Variants in USP34 observed in about 807,000 individuals in gnomAD.
USP34 encodes the protein ubiquitin carboxyl-terminal hydrolase 34.
USP34 carries 70 observed loss-of-function variants against 460.3 expected under a neutral mutation model. That is an observed-to-expected ratio of 0.15 (90% confidence interval 0.13 to 0.19). The LOEUF (loss-of-function observed/expected upper bound fraction) is 0.19, where lower values mean the gene tolerates loss of function less well. Among genes scored for constraint, USP34 ranks in the 10% least tolerant of loss-of-function variants. The probability of loss-of-function intolerance (pLI) is 1.00; values close to 1 mark genes in which losing one functional copy is unlikely to be tolerated. For missense variants in USP34, 3,985 were observed against 4,236.2 expected (o/e 0.94, Z 1.65); for synonymous variants, 1,647 against 1,405.3 (o/e 1.17, Z -3.85).
At chr2:61,398,273 G>A (rs1159416832) in intron 3 of USP34, among the ~76,000 whole-genome samples, 7 of 152,068 alleles carry the variant, frequency 4.6e-5, no homozygotes, top group Admixed American at 2.0e-4. Context: ...AGGCTGAGGC[G>A]GGAGGATTGC....
Position 61,188,339 on chromosome 2 carries a change from G to A in USP34, c.10404C>T (p.Phe3468=), listed in dbSNP as rs947078808. 3.7e-6 allele frequency: 6 copies of A among 1,613,626 alleles called. No homozygotes were observed. The highest frequency in any genetic ancestry group is 5.1e-6 in the Non-Finnish European group (6 of 1,180,034). Residue 3468 remains phenylalanine (F), a synonymous_variant, in exon 80 of 80, where the codon TTC becomes TTT. Coordinates refer to ENST00000398571, the MANE Select transcript of USP34 (RefSeq NM_014709.4). ...DSTLAEEESE[F]PSTSISAVLS... is the part of the protein sequence containing the mutation. ...GAACTGCAGAGATAGAAGTAGAAGGGAACTCAGATTCTTCCTCAGCTAGGG... is the reference window on the plus strand; with the variant it reads ...GAACTGCAGAGATAGAAGTAGAAGGAAACTCAGATTCTTCCTCAGCTAGGG...
At chr2:61,393,745 T>TG (rs1693426552) in intron 5 of USP34, among the ~76,000 whole-genome samples, 1 of 152,234 alleles carries the variant, frequency 6.6e-6, no homozygotes, top group African/African-American at 2.4e-5. Flanking sequence ...TTTCAGTGTT[T>TG]GGTAAAGGTA....
intron 53 of USP34, among the ~76,000 whole-genome samples, chr2:61,239,324 A>T (rs1053886688): frequency 8.6e-5 from 13 of 151,104 alleles, no homozygotes; most frequent in South Asian, 2.1e-4. Context: ...ACACACACAC[A>T]CACACACACA....
chr2:61,221,654 C>G, intron 65 of USP34, 48 bp from the exon 66 acceptor site: 1 of 1,554,480 alleles, frequency 6.4e-7, no homozygotes, highest in South Asian at 1.1e-5. Context: ...CTGAACCCAT[C>G]TCCTTCAGCA....
At position 61,331,314 on chromosome 2, in the gene USP34, G is replaced by A. The variant is rs575072027; in HGVS notation, c.2892C>T (p.Tyr964=). 6.2e-7 allele frequency: 1 copy of A among 1,612,486 alleles called. No homozygotes were observed. The highest frequency in any genetic ancestry group is 8.5e-7 in the Non-Finnish European group (1 of 1,179,162). ...GTCTTCCTTCTCTCACAGTTTGAAT[G>A]TAGTATACCAAATTATCAAAGAAAA... ...MKLFFDNLVY[Y]IQTVREGRQK... Residue 964 remains tyrosine (Y), a synonymous_variant, in exon 20 of 80, where the codon TAC becomes TAT. Transcript: ENST00000398571.
chr2:61,433,364 T>C (rs1694729747), intron 1 of USP34, among the ~76,000 whole-genome samples: 1 of 152,222 alleles, frequency 6.6e-6, no homozygotes, highest in Non-Finnish European at 1.5e-5. Context: ...CCAGGTGCGG[T>C]GGCTCATGCC....
Position 61,257,126 on chromosome 2 carries a change from C to CA in USP34, c.5992-19dup. The CA allele has an allele frequency of 6.4e-7, 1 of 1,569,886 alleles. No homozygotes were observed. Among genetic ancestry groups the CA allele is most frequent in the East Asian group, 2.2e-5 (1 of 44,514 alleles). ...GTATTTTTCTTTAATATAAAACAAA[C>CA]AAAAAATAAGAAACTAGTTAAAACG... On this transcript the variant is annotated intron_variant, in intron 45 of 79. Coordinates refer to ENST00000398571, the MANE Select transcript of USP34 (RefSeq NM_014709.4).
At chr2:61,356,525 C>T (rs1290405710) in intron 10 of USP34, among the ~76,000 whole-genome samples, 2 of 151,754 alleles carry the variant, frequency 1.3e-5, no homozygotes, top group Non-Finnish European at 2.9e-5. Flanking sequence ...CAATACTATT[C>T]ATCCTTAAAA....
chr2:61,352,874 C>T (rs914656091), intron 10 of USP34, among the ~76,000 whole-genome samples: 10 of 151,678 alleles, frequency 6.6e-5, no homozygotes, highest in Non-Finnish European at 1.3e-4. Flanking sequence ...ACGATGAAGA[C>T]GAAAAAGAAA....
At chr2:61,284,792 G>T in intron 35 of USP34, 83 bp downstream of exon 35, 1 of 1,144,700 alleles carries the variant, frequency 8.7e-7, no homozygotes, top group Non-Finnish European at 1.2e-6. Flanking sequence ...TTTCTATTAA[G>T]TTTAGAATTT....
intron 67 of USP34, 122 bp downstream of exon 67, chr2:61,220,188 T>C (rs1470926666): frequency 4.4e-6 from 1 of 226,168 alleles, no homozygotes; most frequent in Non-Finnish European, 7.4e-6. Flanking sequence ...AAAAAGGAAA[T>C]AACATCTCCA....
At chr2:61,387,529 A>G (rs1372422421) in intron 5 of USP34, among the ~76,000 whole-genome samples, 1 of 147,608 alleles carries the variant, frequency 6.8e-6, no homozygotes, top group African/African-American at 2.5e-5. Context: ...ATATATTTAT[A>G]TATACACACA....
chr2:61,345,905 G>A (rs1206007412), intron 15 of USP34, among the ~76,000 whole-genome samples: 4 of 152,022 alleles, frequency 2.6e-5, no homozygotes, highest in Non-Finnish European at 5.9e-5. Context: ...CAAAGCACTA[G>A]GATTATTGTT....
chr2:61,264,161 T>TATAA (rs1688979488), intron 43 of USP34, among the ~76,000 whole-genome samples: 1 of 152,188 alleles, frequency 6.6e-6, no homozygotes, highest in Non-Finnish European at 1.5e-5. Context: ...CAACTACTTT[T>TATAA]AGTCATAATG....
chr2:61,419,801 A>G (rs1480243203), intron 2 of USP34, among the ~76,000 whole-genome samples: 2 of 152,232 alleles, frequency 1.3e-5, no homozygotes, highest in African/African-American at 4.8e-5. Context: ...TCATAAACAT[A>G]TTAGTATTAT....
chr2:61,398,487 C>T (rs1268660888), intron 3 of USP34, among the ~76,000 whole-genome samples: 1 of 93,780 alleles, frequency 1.1e-5, no homozygotes, highest in Non-Finnish European at 2.1e-5. Context: ...GAGGCGGAAG[C>T]GGGGGAAGGA....
intron 3 of USP34, among the ~76,000 whole-genome samples, chr2:61,399,166 T>C (rs922527708): frequency 2.6e-5 from 4 of 151,796 alleles, no homozygotes; most frequent in Non-Finnish European, 5.9e-5. Flanking sequence ...CAGCCTAACA[T>C]GGTCTCTACT....
chr2:61,276,642 T>G (rs898271731), intron 41 of USP34, among the ~76,000 whole-genome samples: 6 of 152,176 alleles, frequency 3.9e-5, no homozygotes, highest in African/African-American at 1.4e-4. Context: ...AAAAACCAAT[T>G]AATATATTTA....
At chr2:61,387,926 T>TATAC (rs1553381106) in intron 5 of USP34, among the ~76,000 whole-genome samples, 3 of 113,384 alleles carry the variant, frequency 2.6e-5, no homozygotes, top group Non-Finnish European at 5.2e-5. Flanking sequence ...AAAATATATT[T>TATAC]ATACACACAC....
Sources: gnomAD v4.1 joint callset for allele counts (sites outside exome capture counted in the v4.1 genomes callset) on GRCh38, gnomAD v4.1.1 for gene constraint, MANE v1.5 for transcripts, NCBI Gene and HGNC (gene_info 2026-07-23, HGNC 2026-07-21) for gene names.